ZNF385D: variants seen among roughly 807,000 people sequenced by gnomAD.
ZNF385D encodes the protein zinc finger protein 659.
Under a neutral mutation model 35.8 loss-of-function variants are expected in ZNF385D, and 15 were observed. The observed-to-expected ratio is 0.42, with a 90% confidence interval of 0.28 to 0.64. The LOEUF (loss-of-function observed/expected upper bound fraction) is 0.64, where lower values mean the gene tolerates loss of function less well. ZNF385D is among the 30% of genes least tolerant of loss of function. The pLI is 0.23. For synonymous variants in ZNF385D, 212 were observed against 186.8 expected, an observed-to-expected ratio of 1.13 and a Z score of -1.10; for missense variants, 474 against 494.6, an observed-to-expected ratio of 0.96 and a Z score of 0.39.
At chr3:22,363,312 A>G (rs934043118) in intron 2 of ZNF385D, among the ~76,000 whole-genome samples, 5 of 152,170 alleles carry the variant, frequency 3.3e-5, no homozygotes, top group Non-Finnish European at 7.4e-5. Context: ...AGAATACGTG[A>G]GCTCAAGCTC....
intron 1 of ZNF385D, among the ~76,000 whole-genome samples, chr3:21,687,823 G>C (rs573965228): frequency 3.3e-5 from 5 of 152,034 alleles, no homozygotes; most frequent in Non-Finnish European, 7.4e-5. Context: ...ATTTTGATTT[G>C]TTTCATTTGA....
intron 2 of ZNF385D, among the ~76,000 whole-genome samples, chr3:21,605,233 G>C (rs1372358856): frequency 6.6e-6 from 1 of 152,128 alleles, no homozygotes; most frequent in Non-Finnish European, 1.5e-5. Context: ...GAGTTGGGAA[G>C]GAAGACACAC....
intron 3 of ZNF385D, among the ~76,000 whole-genome samples, chr3:21,514,797 T>C (rs1366799343): frequency 6.6e-6 from 1 of 152,078 alleles, no homozygotes; most frequent in Non-Finnish European, 1.5e-5. Context: ...TGTTCTTTGC[T>C]CAATTAAACT....
At chr3:21,479,018 G>A (rs375005635) in intron 4 of ZNF385D, among the ~76,000 whole-genome samples, 25 of 146,918 alleles carry the variant, frequency 1.7e-4, no homozygotes, top group East Asian at 1.7e-3. Context: ...ACATGATAAA[G>A]TGAAAACCAT....
chr3:21,437,180 T>C lies in ZNF385D; in HGVS notation c.463A>G (p.Ile155Val), dbSNP rs772159002. ...KTDGTAGTPA[I>V]STTTTVEIRK... is the part of the protein sequence containing the mutation. ...ATTTCCACAGTTGTCGTCGTTGATA[T>C]TGCTGGTGTCCCTGCAGTACCGTCT... Residue 155 changes from isoleucine (I) to valine (V), a missense_variant, in exon 5 of 8, where the codon ATA becomes GTA. Transcript: ENST00000281523. 1 of 1,613,796 alleles carries C rather than the reference T, an allele frequency of 6.2e-7. No individual in the cohort carries two copies. Among genetic ancestry groups the C allele is most frequent in the Non-Finnish European group, 8.5e-7 (1 of 1,179,828 alleles).
intron 3 of ZNF385D, among the ~76,000 whole-genome samples, chr3:21,529,990 G>A (rs2061886248): frequency 6.6e-6 from 1 of 152,094 alleles, no homozygotes; most frequent in African/African-American, 2.4e-5. Context: ...TCATGGGGGG[G>A]GTGAACCCTC....
At chr3:21,796,511 T>C (rs550867942) in intron 3 of ZNF385D, among the ~76,000 whole-genome samples, 3 of 152,122 alleles carry the variant, frequency 2.0e-5, no homozygotes, top group Non-Finnish European at 4.4e-5. Flanking sequence ...ATTCATCACA[T>C]CAACAAAAGC....
intron 3 of ZNF385D, among the ~76,000 whole-genome samples, chr3:21,998,921 C>G (rs1216440179): frequency 1.3e-5 from 2 of 151,956 alleles, no homozygotes; most frequent in Non-Finnish European, 2.9e-5. Context: ...TATATTAAAG[C>G]AGAAATTTTC....
chr3:22,101,509 A>T (rs1312149880), intron 3 of ZNF385D, among the ~76,000 whole-genome samples: 1 of 152,062 alleles, frequency 6.6e-6, no homozygotes, highest in African/African-American at 2.4e-5. Context: ...TTTAAACGTT[A>T]ATCTAAATGA....
chr3:22,359,414 G>A (rs1445599676), intron 2 of ZNF385D, among the ~76,000 whole-genome samples: 1 of 151,754 alleles, frequency 6.6e-6, no homozygotes, highest in African/African-American at 2.4e-5. Flanking sequence ...AGTCTTCCTC[G>A]AATATTTTCA....
chr3:22,135,156 A>G (rs1184205022), intron 3 of ZNF385D, among the ~76,000 whole-genome samples: 1 of 151,778 alleles, frequency 6.6e-6, no homozygotes. Flanking sequence ...AGAAGCAAGA[A>G]AAGAAAAGAC....
chr3:21,442,015 G>A (rs1456595776), intron 4 of ZNF385D, among the ~76,000 whole-genome samples: 5 of 152,166 alleles, frequency 3.3e-5, no homozygotes, highest in East Asian at 1.9e-4. Context: ...TTGCTAATAC[G>A]TTGTGGAATG....
chr3:21,724,477 C>CCAAAAAAAAAAAAAAAAAAAAAA (rs2068670605), intron 1 of ZNF385D, among the ~76,000 whole-genome samples: 1 of 52,016 alleles, frequency 1.9e-5, no homozygotes, highest in African/African-American at 1.6e-4. Flanking sequence ...AATGGAAAGC[C>CCAAAAAAAAAAAAAAAAAAAAAA]AAAAAAAAAA....
At chr3:21,422,695 CA>C (rs1339744626) in intron 7 of ZNF385D, among the ~76,000 whole-genome samples, 1 of 152,160 alleles carries the variant, frequency 6.6e-6, no homozygotes, top group African/African-American at 2.4e-5. Flanking sequence ...ATATGCAAAT[CA>C]ATAATTGTGA....
intron 3 of ZNF385D, among the ~76,000 whole-genome samples, chr3:21,803,325 T>G (rs966810364): frequency 1.3e-5 from 2 of 152,218 alleles, no homozygotes; most frequent in African/African-American, 4.8e-5. Context: ...TTCACTATTA[T>G]CATCTTCCTT....
chr3:21,446,674 A>C (rs1295024389), intron 4 of ZNF385D, among the ~76,000 whole-genome samples: 1 of 151,546 alleles, frequency 6.6e-6, no homozygotes, highest in Non-Finnish European at 1.5e-5. Context: ...TTGTATTTTT[A>C]GTAGAGATGG....
At chr3:21,963,136 TA>T (rs1559795781) in intron 3 of ZNF385D, among the ~76,000 whole-genome samples, 1 of 152,228 alleles carries the variant, frequency 6.6e-6, no homozygotes, top group Non-Finnish European at 1.5e-5. Flanking sequence ...TTCCTGTACA[TA>T]AAATGCTCAT....
chr3:22,225,362 G>C (rs1047603064), intron 2 of ZNF385D, among the ~76,000 whole-genome samples: 1 of 152,050 alleles, frequency 6.6e-6, no homozygotes, highest in Admixed American at 6.6e-5. Flanking sequence ...CGTGTAACCC[G>C]CGTCCACCCT....
rs1372260882 is a variant in ZNF385D, at chr3:21,437,216, T to C, written c.440-13A>G. 1 of 1,596,890 alleles carries C rather than the reference T, an allele frequency of 6.3e-7. No homozygotes were observed. The highest frequency in any genetic ancestry group is 1.8e-5 in the Admixed American group (1 of 56,752). ...CCTGCAGTACCGTCTGTATTCAAAA[T>C]AACACAGAAAAAAGGGGGAAAAACA... On this transcript the variant is annotated splice_polypyrimidine_tract_variant and intron_variant, in intron 4 of 7. Transcript: ENST00000281523.
Sources: allele counts gnomAD v4.1 joint callset (sites outside exome capture counted in the v4.1 genomes callset), GRCh38; gene constraint gnomAD v4.1.1; transcripts MANE v1.5; gene names NCBI Gene and HGNC (gene_info 2026-07-23, HGNC 2026-07-21).